The following SCFD2 variants were observed in gnomAD, a reference collection of about 807,000 sequenced individuals.
SCFD2 encodes sec1 family domain containing 2.
Under a neutral mutation model 58.9 loss-of-function variants are expected in SCFD2, and 54 were observed. The observed-to-expected ratio is 0.92, with a 90% CI of 0.74 to 1.15. The LOEUF is 1.15. SCFD2 is among the 50% of genes most tolerant of loss of function. SCFD2 has a pLI of 0.00. For synonymous variants in SCFD2, 321 were observed against 335.9 expected (o/e 0.96, Z 0.49); for missense variants, 805 against 836.6 (o/e 0.96, Z 0.47).
chr4:53,247,211 CT>C (rs1162382912), intron 4 of SCFD2, among the ~76,000 whole-genome samples: 1 of 152,126 alleles, frequency 6.6e-6, no homozygotes, highest in Admixed American at 6.5e-5. Flanking sequence ...GTGACATAAT[CT>C]CACAACAGCC....
intron 4 of SCFD2, among the ~76,000 whole-genome samples, chr4:53,229,868 T>C (rs1002209841): frequency 3.3e-4 from 50 of 152,156 alleles, no homozygotes; most frequent in African/African-American, 8.4e-4. Flanking sequence ...TTGCAACCTA[T>C]TCATCTGACA....
rs745859296 is a variant in SCFD2, at chr4:53,313,734, G to A, written c.1037C>T (p.Ala346Val). The A allele has an allele frequency of 4.3e-6, 7 of 1,613,924 alleles. No individual in the cohort carries two copies. The highest frequency in any genetic ancestry group is 5.1e-6 in the Non-Finnish European group (6 of 1,179,928). ...SDTTAKALWE[A>V]LLNTKHKEAV... is the part of the protein sequence containing the mutation. Reference sequence around the variant, plus strand: ...CTCTTTGTGCTTAGTGTTCAGTAAAGCTTCCCATAGGGCTTTGGCTGTGGT... The same window carrying A: ...CTCTTTGTGCTTAGTGTTCAGTAAAACTTCCCATAGGGCTTTGGCTGTGGT... The change falls in exon 3 of 9, where the codon GCT becomes GTT. Residue 346 changes from alanine to valine, a missense_variant. Coordinates refer to ENST00000401642, the MANE Select transcript of SCFD2 (RefSeq NM_152540.4).
intron 5 of SCFD2, among the ~76,000 whole-genome samples, chr4:52,930,527 T>C (rs1719966646): frequency 6.6e-6 from 1 of 151,466 alleles, no homozygotes; most frequent in Non-Finnish European, 1.5e-5. Context: ...ATCAAGGAGG[T>C]AGAAAAATAG....
At chr4:53,236,106 T>C (rs1392455493) in intron 4 of SCFD2, among the ~76,000 whole-genome samples, 1 of 152,128 alleles carries the variant, frequency 6.6e-6, no homozygotes, top group African/African-American at 2.4e-5. Flanking sequence ...GTCAGTGGGT[T>C]GGGGAAGGCA....
chr4:53,248,625 G>C (rs372651102), intron 4 of SCFD2, among the ~76,000 whole-genome samples: 1 of 152,178 alleles, frequency 6.6e-6, no homozygotes, highest in Non-Finnish European at 1.5e-5. Flanking sequence ...CCTGACCCCC[G>C]AGCAGCCTAA....
intron 5 of SCFD2, among the ~76,000 whole-genome samples, chr4:53,062,985 C>A (rs140333911): frequency 6.6e-6 from 1 of 152,036 alleles, no homozygotes; most frequent in African/African-American, 2.4e-5. Context: ...CCTGGCCCTA[C>A]CAAAATAAAA....
intron 5 of SCFD2, among the ~76,000 whole-genome samples, chr4:52,941,003 T>C (rs1720278704): frequency 1.3e-5 from 2 of 152,216 alleles, no homozygotes. Flanking sequence ...CCTCCCTTGA[T>C]TCCCCCGGTC....
At chr4:53,154,861 CAG>C (rs1389314105) in intron 4 of SCFD2, among the ~76,000 whole-genome samples, 1 of 152,102 alleles carries the variant, frequency 6.6e-6, no homozygotes, top group African/African-American at 2.4e-5. Flanking sequence ...GATGAAGAAT[CAG>C]AGAGATTCAA....
intron 5 of SCFD2, among the ~76,000 whole-genome samples, chr4:53,084,402 C>T (rs755724959): frequency 2.6e-5 from 4 of 152,156 alleles, no homozygotes; most frequent in South Asian, 2.1e-4. Flanking sequence ...CCATAAAAAT[C>T]GCTGTTATTC....
intron 5 of SCFD2, among the ~76,000 whole-genome samples, chr4:52,946,594 A>G (rs1158157026): frequency 6.6e-6 from 1 of 152,208 alleles, no homozygotes; most frequent in Non-Finnish European, 1.5e-5. Flanking sequence ...TAGGGTCATA[A>G]ACAATCACTA....
intron 3 of SCFD2, among the ~76,000 whole-genome samples, chr4:53,303,183 C>T (rs1291154998): frequency 2.0e-5 from 3 of 152,028 alleles, no homozygotes; most frequent in Admixed American, 2.0e-4. Context: ...AATGGGAGAA[C>T]ATTTTTGCAA....
chr4:53,284,283 G>C (rs1577930156), intron 3 of SCFD2, among the ~76,000 whole-genome samples: 1 of 150,264 alleles, frequency 6.7e-6, no homozygotes, highest in South Asian at 2.1e-4. Context: ...CTATTAATAT[G>C]CACTTTCATT....
At chr4:53,296,567 G>A (rs1436310365) in intron 3 of SCFD2, among the ~76,000 whole-genome samples, 1 of 151,932 alleles carries the variant, frequency 6.6e-6, no homozygotes, top group Non-Finnish European at 1.5e-5. Flanking sequence ...TATCTATTTT[G>A]TTAATCTCTT....
intron 1 of SCFD2, among the ~76,000 whole-genome samples, chr4:53,361,805 GT>G (rs1164593783): frequency 6.6e-6 from 1 of 152,116 alleles, no homozygotes; most frequent in African/African-American, 2.4e-5. Context: ...AGTGTGCATC[GT>G]TTTTTCTGCA....
chr4:53,291,412 C>G (rs1320735969), intron 3 of SCFD2, among the ~76,000 whole-genome samples: 1 of 151,970 alleles, frequency 6.6e-6, no homozygotes, highest in Non-Finnish European at 1.5e-5. Context: ...AGAAATACAG[C>G]TAACAAGGGA....
intron 4 of SCFD2, among the ~76,000 whole-genome samples, chr4:53,148,932 C>G (rs1577778038): frequency 6.6e-6 from 1 of 152,288 alleles, no homozygotes; most frequent in East Asian, 1.9e-4. Context: ...ATCGCTTGAA[C>G]CCAGAAGTTT....
In SCFD2 at chr4:53,039,228, C is replaced by T. The variant is rs189993636; in HGVS notation, c.1561+106105G>A. 2.8e-3 allele frequency among the ~76,000 whole-genome samples: 428 copies of T among 152,240 alleles called. 2 individuals carry two copies. The highest frequency in any genetic ancestry group is 4.6e-3 in the South Asian group (22 of 4,816). ...GGATCAGAGTTTGGCTCTCAGGCCACGGTCTAAAACATATACATACCATAT... is the reference window on the plus strand; with the variant it reads ...GGATCAGAGTTTGGCTCTCAGGCCATGGTCTAAAACATATACATACCATAT... On this transcript the variant is annotated intron_variant, in intron 5 of 8. Transcript: ENST00000401642.
chr4:52,976,688 T>C (rs1021914050), intron 5 of SCFD2, among the ~76,000 whole-genome samples: 1 of 152,190 alleles, frequency 6.6e-6, no homozygotes, highest in Non-Finnish European at 1.5e-5. Context: ...GCCACTTCAC[T>C]GAGGCATTGA....
At position 53,229,341 on chromosome 4, in the gene SCFD2, G is replaced by T. The variant is rs1429904494; in HGVS notation, c.1311+44485C>A. On this transcript the variant is annotated intron_variant, in intron 4 of 8. Transcript: ENST00000401642. ...AATCCTAAGCCGAAAGAACAAAGCT[G>T]GAGGCATCAAGCTACCTGACTTCAA... Among the ~76,000 whole-genome samples, 5 of 152,132 alleles carry T rather than the reference G, an allele frequency of 3.3e-5. No homozygotes were observed. In the South Asian group the frequency reaches 1.0e-3, roughly 32 times the overall value.
Sources: allele counts gnomAD v4.1 joint callset (sites outside exome capture counted in the v4.1 genomes callset), GRCh38; gene constraint gnomAD v4.1.1; transcripts MANE v1.5; gene names NCBI Gene and HGNC (gene_info 2026-07-23, HGNC 2026-07-21).